Variants in ESRRG observed in about 807,000 individuals in gnomAD.
ESRRG encodes estrogen related receptor gamma, also known as estrogen-related receptor gamma.
Under a neutral mutation model 44.0 loss-of-function variants are expected in ESRRG, and 13 were observed. The observed-to-expected ratio is 0.30, with a 90% CI of 0.19 to 0.47. The LOEUF is 0.47. Among genes scored for constraint, ESRRG ranks in the 20% least tolerant of loss-of-function variants. The pLI is 1.00. For missense variants in ESRRG, 395 were observed against 580.6 expected (o/e 0.68, Z 3.29); for synonymous variants, 215 against 214.6 (o/e 1.00, Z -0.02).
chr1:216,708,983 C>A (rs1451540584), intron 1 of ESRRG, among the ~76,000 whole-genome samples: 2 of 152,098 alleles, frequency 1.3e-5, no homozygotes, highest in African/African-American at 4.8e-5. Context: ...CCAAACACTG[C>A]ATGTTCTCAC....
chr1:216,594,871 A>T (rs1465206684), intron 3 of ESRRG, among the ~76,000 whole-genome samples: 2 of 152,190 alleles, frequency 1.3e-5, no homozygotes, highest in Non-Finnish European at 2.9e-5. Flanking sequence ...AATGCAAAGA[A>T]ATTCGTCTTT....
At chr1:216,519,645 G>A (rs2045457118) in intron 5 of ESRRG, among the ~76,000 whole-genome samples, 1 of 152,032 alleles carries the variant, frequency 6.6e-6, no homozygotes, top group Non-Finnish European at 1.5e-5. Context: ...TATAGACACA[G>A]CTTAGGGGAA....
At chr1:216,521,569 T>C (rs2046091812) in intron 5 of ESRRG, among the ~76,000 whole-genome samples, 1 of 152,178 alleles carries the variant, frequency 6.6e-6, no homozygotes, top group East Asian at 1.9e-4. Context: ...CAGCAGCAGA[T>C]GGACAGAGCG....
At chr1:216,730,300 A>G (rs2088475249) in intron 2 of ESRRG, among the ~76,000 whole-genome samples, 1 of 114,192 alleles carries the variant, frequency 8.8e-6, no homozygotes, top group Admixed American at 8.9e-5. Flanking sequence ...AAAAGCTTAG[A>G]AAGGTAAAAA....
intron 1 of ESRRG, among the ~76,000 whole-genome samples, chr1:217,130,857 A>G (rs908174973): frequency 4.0e-5 from 6 of 151,466 alleles, no homozygotes; most frequent in Admixed American, 4.0e-4. Context: ...AAAAGAACAC[A>G]TACATTTTCT....
chr1:216,964,671 T>C (rs1409010948), intron 1 of ESRRG, among the ~76,000 whole-genome samples: 1 of 152,084 alleles, frequency 6.6e-6, no homozygotes, highest in Non-Finnish European at 1.5e-5. Context: ...CACTTCTTCT[T>C]TCTGGTCTAG....
At chr1:216,528,624 A>C (rs6679623) in intron 5 of ESRRG, among the ~76,000 whole-genome samples, 2 of 151,884 alleles carry the variant, frequency 1.3e-5, no homozygotes, top group Non-Finnish European at 2.9e-5. Flanking sequence ...AATAAAATAT[A>C]ATATGTCTAC....
chr1:216,796,759 T>C (rs1159511380), intron 2 of ESRRG, among the ~76,000 whole-genome samples: 2 of 152,114 alleles, frequency 1.3e-5, no homozygotes, highest in African/African-American at 4.8e-5. Flanking sequence ...CTCTCCACAC[T>C]TTCTTATGCT....
intron 2 of ESRRG, among the ~76,000 whole-genome samples, chr1:216,746,515 C>T (rs1263782736): frequency 1.3e-5 from 2 of 152,088 alleles, no homozygotes; most frequent in Non-Finnish European, 2.9e-5. Context: ...TAAAAGAATT[C>T]TTTGCTTAAA....
At chr1:216,866,507 A>C (rs756732532) in intron 2 of ESRRG, among the ~76,000 whole-genome samples, 41 of 152,094 alleles carry the variant, frequency 2.7e-4, no homozygotes, top group Non-Finnish European at 3.8e-4. Flanking sequence ...CTAGCTCTCC[A>C]ATGTAGCAGA....
intron 2 of ESRRG, among the ~76,000 whole-genome samples, chr1:216,866,428 A>C (rs1301712642): frequency 6.6e-6 from 1 of 152,200 alleles, no homozygotes; most frequent in East Asian, 1.9e-4. Flanking sequence ...AGGGGAAAGC[A>C]ACAAGCATGT....
At chr1:217,026,888 T>TACACACAC (rs71163785) in intron 1 of ESRRG, among the ~76,000 whole-genome samples, 121 of 105,352 alleles carry the variant, frequency 1.1e-3, no homozygotes, top group African/African-American at 2.7e-3. Flanking sequence ...CACACACACA[T>TACACACAC]ACACACACAC....
At chr1:216,646,311 A>T (rs965794594) in intron 3 of ESRRG, among the ~76,000 whole-genome samples, 2 of 152,170 alleles carry the variant, frequency 1.3e-5, no homozygotes, top group Non-Finnish European at 2.9e-5. Context: ...TTGCCAAAGG[A>T]TAACAAATTA....
intron 1 of ESRRG, among the ~76,000 whole-genome samples, chr1:217,059,007 T>C (rs2087774454): frequency 6.8e-6 from 1 of 147,930 alleles, no homozygotes; most frequent in Non-Finnish European, 1.5e-5. Context: ...ATAATAAAAA[T>C]ATATGAATAA....
intron 1 of ESRRG, among the ~76,000 whole-genome samples, chr1:216,704,775 T>A (rs1369280243): frequency 1.1e-4 from 17 of 150,630 alleles, no homozygotes; most frequent in South Asian, 6.3e-4. Context: ...AGATTTTTTT[T>A]AAATCATAAT....
intron 2 of ESRRG, among the ~76,000 whole-genome samples, chr1:216,758,107 G>A (rs2092563941): frequency 6.6e-6 from 1 of 152,024 alleles, no homozygotes; most frequent in Admixed American, 6.6e-5. Flanking sequence ...ATTCTTTCCT[G>A]CCATACCTCC....
chr1:216,646,182 T>C (rs528948876), intron 3 of ESRRG, among the ~76,000 whole-genome samples: 8 of 152,210 alleles, frequency 5.3e-5, no homozygotes, highest in African/African-American at 7.2e-5. Flanking sequence ...TTGTCTCTCT[T>C]CATTTGACCT....
chr1:216,571,449 A>T (rs2060792117), intron 3 of ESRRG, among the ~76,000 whole-genome samples: 1 of 152,152 alleles, frequency 6.6e-6, no homozygotes, highest in African/African-American at 2.4e-5. Context: ...ATCTCAAAAA[A>T]CAAACAAACA....
chr1:216,893,953 GA>G (rs1261818796), intron 2 of ESRRG, among the ~76,000 whole-genome samples: 2 of 152,166 alleles, frequency 1.3e-5, no homozygotes, highest in Non-Finnish European at 2.9e-5. Flanking sequence ...TCAGTTAAAA[GA>G]GATGATATGA....
Sources: allele counts gnomAD v4.1 joint callset (sites outside exome capture counted in the v4.1 genomes callset), GRCh38; gene constraint gnomAD v4.1.1; transcripts MANE v1.5; gene names NCBI Gene and HGNC (gene_info 2026-07-23, HGNC 2026-07-21).